Variants in MGAT4A observed in about 807,000 individuals in gnomAD.
MGAT4A encodes alpha-1,3-mannosyl-glycoprotein 4-beta-N-acetylglucosaminyltransferase A.
In MGAT4A, 33 loss-of-function variants were observed where a neutral mutation model predicts 74.1. The ratio of observed to expected loss-of-function variants is 0.45; its 90% CI spans 0.34 to 0.60. MGAT4A has a LOEUF of 0.60. Among genes scored for constraint, MGAT4A ranks in the 20% least tolerant of loss-of-function variants. The pLI is 0.02. For missense variants in MGAT4A, 479 were observed against 628.3 expected (o/e 0.76, Z 2.54); for synonymous variants, 198 against 210.4 (o/e 0.94, Z 0.51).
chr2:98,686,735 T>C (rs1275242189), intron 2 of MGAT4A, among the ~76,000 whole-genome samples: 6 of 152,084 alleles, frequency 3.9e-5, no homozygotes, highest in Admixed American at 1.3e-4. Flanking sequence ...TCAGTAGAGA[T>C]GGGATTTCAC....
At chr2:98,649,416 C>T (rs1330875586) in intron 8 of MGAT4A, among the ~76,000 whole-genome samples, 1 of 152,146 alleles carries the variant, frequency 6.6e-6, no homozygotes, top group Non-Finnish European at 1.5e-5. Context: ...TGAGGAAACA[C>T]TCAATTCCCG....
At chr2:98,698,892 C>T (rs1460335004) in intron 2 of MGAT4A, among the ~76,000 whole-genome samples, 1 of 152,164 alleles carries the variant, frequency 6.6e-6, no homozygotes, top group Non-Finnish European at 1.5e-5. Flanking sequence ...TCCTTTTTAT[C>T]TTGTTAACTA....
chr2:98,718,122 C>T (rs1702616434), intron 2 of MGAT4A, among the ~76,000 whole-genome samples: 1 of 152,174 alleles, frequency 6.6e-6, no homozygotes, highest in African/African-American at 2.4e-5. Context: ...TCAGAATATA[C>T]TGTAGTCTAC....
chr2:98,729,094 G>A (rs116103952), intron 1 of MGAT4A, among the ~76,000 whole-genome samples: 2 of 151,596 alleles, frequency 1.3e-5, no homozygotes, highest in Non-Finnish European at 2.9e-5. Flanking sequence ...AAAACATTCC[G>A]TAGAAATGCA....
chr2:98,701,056 TTA>T, intron 2 of MGAT4A, among the ~76,000 whole-genome samples: 1 of 152,324 alleles, frequency 6.6e-6, no homozygotes, highest in South Asian at 2.1e-4. Context: ...CTGCTATTTC[TTA>T]TGAGAGTGGA....
At chr2:98,648,540 T>C (rs1701529154) in intron 8 of MGAT4A, among the ~76,000 whole-genome samples, 1 of 150,462 alleles carries the variant, frequency 6.6e-6, no homozygotes, top group Non-Finnish European at 1.5e-5. Context: ...AGTGAGACCC[T>C]GTTTTTACAA....
At chr2:98,652,245 C>T (rs1162208979) in intron 8 of MGAT4A, among the ~76,000 whole-genome samples, 1 of 152,046 alleles carries the variant, frequency 6.6e-6, no homozygotes, top group African/African-American at 2.4e-5. Context: ...ATCCCAACAA[C>T]AGCAGAATAC....
At position 98,640,198 on chromosome 2, in the gene MGAT4A, G is replaced by A. The variant is rs1373997035; in HGVS notation, c.1051C>T (p.Arg351Ter). Residue 351 changes from arginine to a stop codon, truncating the protein, a stop_gained, in exon 11 of 16, where the codon CGA becomes TGA. Transcript: ENST00000393487. LOFTEE classifies it high-confidence loss of function. ...KHCDRQKANL[R>*]IRFRPSLFQH... ...AAAAGGGAAGGTCTGAAGCGAATTCGCAGATTTGCTTTCTGTCTATCACAA... is the reference window on the plus strand; with the variant it reads ...AAAAGGGAAGGTCTGAAGCGAATTCACAGATTTGCTTTCTGTCTATCACAA... 6 of 1,613,836 alleles carry A rather than the reference G, an allele frequency of 3.7e-6. No homozygotes were observed. The highest frequency in any genetic ancestry group is 4.5e-5 in the East Asian group (2 of 44,876).
At chr2:98,711,618 A>G (rs1055778894) in intron 2 of MGAT4A, among the ~76,000 whole-genome samples, 1 of 152,202 alleles carries the variant, frequency 6.6e-6, no homozygotes. Flanking sequence ...AAGTTCAAAA[A>G]AAAAATCAGC....
intron 2 of MGAT4A, among the ~76,000 whole-genome samples, chr2:98,706,419 C>A (rs1454042926): frequency 1.3e-5 from 2 of 151,946 alleles, no homozygotes; most frequent in Admixed American, 1.3e-4. Flanking sequence ...CAACCTCCGC[C>A]TCCAGATTCA....
chr2:98,713,462 A>AC (rs1368558371), intron 2 of MGAT4A, among the ~76,000 whole-genome samples: 2 of 151,420 alleles, frequency 1.3e-5, no homozygotes, highest in Admixed American at 1.3e-4. Context: ...AAAAAAAAAA[A>AC]AAACAAACAA....
chr2:98,654,422 C>A (rs1172263955), intron 8 of MGAT4A, among the ~76,000 whole-genome samples: 2 of 151,876 alleles, frequency 1.3e-5, no homozygotes, highest in African/African-American at 4.8e-5. Context: ...CCTAAAGAAT[C>A]CACCAAAAAC....
In MGAT4A at chr2:98,644,069, C is replaced by T; in HGVS notation, c.890-16G>A. The T allele has an allele frequency of 6.5e-7, 1 of 1,550,128 alleles. No individual in the cohort carries two copies. Among genetic ancestry groups the T allele is most frequent in the Non-Finnish European group, 8.8e-7 (1 of 1,139,006 alleles). Reference sequence around the variant, plus strand: ...AACATTTTACCTGAAAAGATATTCCCAGTCAATAGCTGCAATGAAGAAACC... The same window carrying T: ...AACATTTTACCTGAAAAGATATTCCTAGTCAATAGCTGCAATGAAGAAACC... On this transcript the variant is annotated splice_polypyrimidine_tract_variant and intron_variant, in intron 9 of 15. Coordinates refer to ENST00000393487, the MANE Select transcript of MGAT4A (RefSeq NM_012214.3).
intron 3 of MGAT4A, among the ~76,000 whole-genome samples, chr2:98,677,509 G>T (rs1378853410): frequency 1.3e-5 from 2 of 152,130 alleles, no homozygotes; most frequent in African/African-American, 2.4e-5. Context: ...CTGGAATGCA[G>T]TGGCAGGATC....
chr2:98,659,524 T>A (rs1017252386), intron 5 of MGAT4A, among the ~76,000 whole-genome samples: 1 of 152,140 alleles, frequency 6.6e-6, no homozygotes, highest in Non-Finnish European at 1.5e-5. Flanking sequence ...CCAAGTCTCA[T>A]CTCGAATTGT....
chr2:98,635,472 C>T (rs1235013994), intron 13 of MGAT4A, among the ~76,000 whole-genome samples, 184 bp from the exon 14 acceptor site: 22 of 152,058 alleles, frequency 1.4e-4, no homozygotes, highest in Admixed American at 1.4e-3. Context: ...TTTCTTAAGC[C>T]ATCGTTTGAA....
At chr2:98,639,696 GC>G in intron 12 of MGAT4A, 111 bp downstream of exon 12, 2 of 845,808 alleles carry the variant, frequency 2.4e-6, no homozygotes, top group Middle Eastern at 2.9e-4. Context: ...AACATTTTGG[GC>G]CCCACTGTGT....
In MGAT4A at chr2:98,726,294, T is replaced by C. The variant is rs1702762104; in HGVS notation, c.39A>G (p.Ala13=). The C allele has an allele frequency of 3.1e-6, 5 of 1,614,152 alleles. No individual in the cohort carries two copies. In the South Asian group the frequency reaches 4.4e-5, roughly 14 times the overall value. Residue 13 remains alanine, a synonymous_variant, in exon 2 of 16, where the codon GCA becomes GCG. Coordinates refer to ENST00000393487, the MANE Select transcript of MGAT4A (RefSeq NM_012214.3). ...LRNGTVATAL[A]FITSFLTLSW... ...ACAAAGTAAGGAAGGAAGTGATAAA[T>C]GCTAAAGCAGTGGCTACAGTTCCAT... is the stretch of plus-strand genomic sequence containing the variant.
intron 4 of MGAT4A, among the ~76,000 whole-genome samples, chr2:98,671,270 C>T (rs892383492): frequency 1.1e-4 from 17 of 152,236 alleles, no homozygotes; most frequent in African/African-American, 3.1e-4. Flanking sequence ...ATCACTGAAA[C>T]GGCCTATCTG....
Sources: gnomAD v4.1 joint callset for allele counts (sites outside exome capture counted in the v4.1 genomes callset) on GRCh38, gnomAD v4.1.1 for gene constraint, MANE v1.5 for transcripts, NCBI Gene and HGNC (gene_info 2026-07-23, HGNC 2026-07-21) for gene names.